Variants in TEKT4 observed in about 807,000 individuals in gnomAD.
TEKT4 encodes the protein tektin 4, also known as tektin-4.
Under a neutral mutation model 46.0 loss-of-function variants are expected in TEKT4, and 46 were observed. The observed-to-expected ratio is 1.00, with a 90% confidence interval of 0.79 to 1.28. The LOEUF (loss-of-function observed/expected upper bound fraction) is 1.28. TEKT4 is among the 50% of genes most tolerant of loss of function. The probability of loss-of-function intolerance (pLI) is 0.00; values close to 1 mark genes in which losing one functional copy is unlikely to be tolerated. For synonymous variants in TEKT4, 325 were observed against 265.8 expected (o/e 1.22, Z -2.17); for missense variants, 790 against 622.9 (o/e 1.27, Z -2.85).
At chr2:94,872,927 A>T in intron 1 of TEKT4, 1 of 1,289,444 alleles carries the variant, frequency 7.8e-7, no homozygotes, top group Non-Finnish European at 1.0e-6. Context: ...CAGTGCACGG[A>T]GAGGCAAACC....
chr2:94,872,146 T>C lies in TEKT4; in HGVS notation c.498+69T>C, dbSNP rs1334591372. On this transcript the variant is annotated intron_variant, in intron 1 of 5. Transcript: ENST00000295201. ...GAGGAGCCCCCCCCCCCGCAGTTCA[T>C]GTGGACAAGCCACGTGGCTGCTGCA... 8 of 1,461,788 alleles carry C rather than the reference T, an allele frequency of 5.5e-6. No individual in the cohort carries two copies. In the African/African-American group the frequency reaches 7.3e-5, roughly 13 times the overall value. 90.6% of individuals were successfully genotyped at this position (1,461,788 alleles called of 1,614,324 possible). A position where few individuals can be genotyped will look rare whatever the true frequency, so the allele number is the denominator to read the frequency against.
In TEKT4 at chr2:94,874,924, G is replaced by A. The variant is rs782809778; in HGVS notation, c.862G>A (p.Val288Met). 4.2e-5 allele frequency: 67 copies of A among 1,611,934 alleles called. 1 individual carries two copies. Among genetic ancestry groups the A allele is most frequent in the Admixed American group, 1.5e-4 (9 of 59,912 alleles). The change falls in exon 4 of 6, where the codon GTG (valine) becomes ATG (methionine). Residue 288 changes from valine to methionine, a missense_variant. Val to Met is a conservative substitution (Grantham distance 21, BLOSUM62 1). Transcript: ENST00000295201. ...SEDLRLQCDA[V>M]NLAFGRRCEE... ...GGACCTGCGGCTCCAGTGCGACGCC[G>A]TGAACCTGGCCTTCGGGCGCCGCTG...
In TEKT4 at chr2:94,873,596, T is replaced by C; in HGVS notation, c.569+6T>C. 3 of 1,613,354 alleles carry C rather than the reference T, an allele frequency of 1.9e-6. No individual in the cohort carries two copies. The highest frequency in any genetic ancestry group is 2.5e-6 in the Non-Finnish European group (3 of 1,179,930). On this transcript the variant is annotated splice_donor_region_variant and intron_variant, in intron 2 of 5. Transcript: ENST00000295201. ...CAAGCAGTGAGCCAGATCCGGTGGG[T>C]AGAGGGCTGCCCAAGGGATGATTCC...
chr2:94,871,441 T>C lies in TEKT4; in HGVS notation c.-139T>C. The C allele has an allele frequency of 1.8e-6, 2 of 1,098,682 alleles. No individual in the cohort carries two copies. Among genetic ancestry groups the C allele is most frequent in the Non-Finnish European group, 2.5e-6 (2 of 792,386 alleles). 68.1% of individuals were successfully genotyped at this position (1,098,682 alleles called of 1,614,324 possible). ...AACAGGAAGCTCTTGGTTTACACAG[T>C]GTCACCCAAGCGACTGGGAGCCGCG... On this transcript the variant is annotated 5_prime_UTR_variant, in exon 1 of 6. Transcript: ENST00000295201.
chr2:94,872,299 C>A, intron 1 of TEKT4: 1 of 617,226 alleles, frequency 1.6e-6, no homozygotes. Flanking sequence ...CTCTCCTCCT[C>A]TAATCCCTTT....
intron 1 of TEKT4, chr2:94,872,915 G>A (rs553893703): frequency 2.3e-6 from 3 of 1,289,412 alleles, no homozygotes; most frequent in African/African-American, 1.5e-5. Context: ...TGGAGACACT[G>A]ACAGTGCACG....
In TEKT4 at chr2:94,872,036, C is replaced by A. The variant is rs1553394772; in HGVS notation, c.457C>A (p.Pro153Thr). ...GCAGTGCCGTGAGCGCCGCGAGCAC[C>A]CCAACCTCGTGCGCGACCATGTGGA... ...NLQCRERREH[P>T]NLVRDHVETE... Residue 153 changes from proline (P) to threonine (T), a missense_variant, in exon 1 of 6, where the codon CCC (proline) becomes ACC (threonine). Coordinates refer to ENST00000295201, the MANE Select transcript of TEKT4 (RefSeq NM_144705.4). The A allele has an allele frequency of 6.4e-7, 1 of 1,562,754 alleles. No individual in the cohort carries two copies. Among genetic ancestry groups the A allele is most frequent in the Non-Finnish European group, 8.7e-7 (1 of 1,154,492 alleles).
chr2:94,871,811 G>A lies in TEKT4; in HGVS notation c.232G>A (p.Ala78Thr). ...ESQQLATETQ[A>T]LAQRTQQDST... ...CCAGCAGCTGGCCACAGAGACCCAG[G>A]CGCTGGCGCAGCGCACGCAGCAAGA... The change falls in exon 1 of 6, where the codon GCG becomes ACG. Residue 78 changes from alanine to threonine, a missense_variant. Coordinates refer to ENST00000295201, the MANE Select transcript of TEKT4 (RefSeq NM_144705.4). 1 of 1,609,710 alleles carries A rather than the reference G, an allele frequency of 6.2e-7. No individual in the cohort carries two copies. The highest frequency in any genetic ancestry group is 8.5e-7 in the Non-Finnish European group (1 of 1,178,206).
chr2:94,874,865 T>A lies in TEKT4; in HGVS notation c.803T>A (p.Val268Glu). 6.2e-7 allele frequency: 1 copy of A among 1,609,074 alleles called. No individual in the cohort carries two copies. The highest frequency in any genetic ancestry group is 8.5e-7 in the Non-Finnish European group (1 of 1,178,448). Reference protein sequence around the residue: ...RERLASANLRVLVDCILRDTS... With the variant: ...RERLASANLRELVDCILRDTS... Reference sequence around the variant, plus strand: ...CGCCTGGCCTCGGCCAACCTGCGGGTGCTGGTGGACTGCATCCTTCGCGAC... The same window carrying A: ...CGCCTGGCCTCGGCCAACCTGCGGGAGCTGGTGGACTGCATCCTTCGCGAC... Residue 268 changes from valine (V) to glutamate (E), a missense_variant, in exon 4 of 6, where the codon GTG becomes GAG. Coordinates refer to ENST00000295201, the MANE Select transcript of TEKT4 (RefSeq NM_144705.4).
In TEKT4 at chr2:94,871,643, G is replaced by A. The variant is rs1680564440; in HGVS notation, c.64G>A (p.Gly22Ser). 1 of 1,612,368 alleles carries A rather than the reference G, an allele frequency of 6.2e-7. No homozygotes were observed. The change falls in exon 1 of 6, where the codon GGC (glycine) becomes AGC (serine). Residue 22 changes from glycine (G) to serine (S), a missense_variant. Physicochemically the swap from Gly to Ser is moderately conservative, Grantham distance 56. Transcript: ENST00000295201. ...CKEYDVARNT[G>S]AYTSSGLATA... ...AGAGTACGACGTGGCCCGTAACACG[G>A]GCGCCTACACGTCCTCCGGCCTGGC...
chr2:94,873,508 C>T lies in TEKT4; in HGVS notation c.499-12C>T, dbSNP rs373314580. ...GGACTGGCTCTGGTGCTCAGGGCGTCTCCTCCCTCAGGAAGCCGAGCTCAT... is the reference window on the plus strand; with the variant it reads ...GGACTGGCTCTGGTGCTCAGGGCGTTTCCTCCCTCAGGAAGCCGAGCTCAT... On this transcript the variant is annotated splice_polypyrimidine_tract_variant and intron_variant, in intron 1 of 5. Transcript: ENST00000295201. 48 of 1,611,982 alleles carry T rather than the reference C, an allele frequency of 3.0e-5. No homozygotes were observed. Among genetic ancestry groups the T allele is most frequent in the African/African-American group, 5.3e-5 (4 of 74,834 alleles).
intron 3 of TEKT4, 95 bp from the exon 4 acceptor site, chr2:94,874,680 GA>G: frequency 8.7e-7 from 1 of 1,146,118 alleles, no homozygotes; most frequent in Non-Finnish European, 1.2e-6. Flanking sequence ...CGTCCTCCAG[GA>G]GCATGGGGCG....
At chr2:94,872,790 C>T (rs1553395036) in intron 1 of TEKT4, 2 of 1,286,714 alleles carry the variant, frequency 1.6e-6, no homozygotes, top group Non-Finnish European at 2.0e-6. Context: ...TCATGCCTTC[C>T]CTCCTCCCTT....
In TEKT4 at chr2:94,875,593, G is replaced by A. The variant is rs782040551; in HGVS notation, c.942G>A (p.Leu314=). The A allele has an allele frequency of 1.2e-6, 2 of 1,614,166 alleles. No homozygotes were observed. Among genetic ancestry groups the A allele is most frequent in the Admixed American group, 3.3e-5 (2 of 60,024 alleles). ...GAGAACTGTCCTGTCTGCAGACACT[G>A]CGGGAAATCACAGATCAGGAACACA... ...YKLHHHLHKT[L]REITDQEHNV... is the part of the protein sequence containing the mutation. Residue 314 remains leucine, a synonymous_variant, in exon 5 of 6, where the codon CTG becomes CTA. Coordinates refer to ENST00000295201, the MANE Select transcript of TEKT4 (RefSeq NM_144705.4).
chr2:94,872,905 T>TG, intron 1 of TEKT4: 1 of 1,289,302 alleles, frequency 7.8e-7, no homozygotes, highest in Non-Finnish European at 1.0e-6. Context: ...TGCCAACTGA[T>TG]GGAGACACTG....
chr2:94,875,757 T>C lies in TEKT4; in HGVS notation c.1091+15T>C. 6.2e-7 allele frequency: 1 copy of C among 1,611,166 alleles called. No individual in the cohort carries two copies. Among genetic ancestry groups the C allele is most frequent in the Non-Finnish European group, 8.5e-7 (1 of 1,178,162 alleles). ...GCCCAGTTCAGGTGCTGCCTGGGCCTCTGAGGCAGTCCCAGGTGGCCCTGT... is the reference window on the plus strand; with the variant it reads ...GCCCAGTTCAGGTGCTGCCTGGGCCCCTGAGGCAGTCCCAGGTGGCCCTGT... On this transcript the variant is annotated intron_variant, in intron 5 of 5. Transcript: ENST00000295201.
rs542487913 is a variant in TEKT4, at chr2:94,873,952, C to G, written c.570-13C>G. The G allele has an allele frequency of 6.2e-7, 1 of 1,613,568 alleles. No homozygotes were observed. The highest frequency in any genetic ancestry group is 8.5e-7 in the Non-Finnish European group (1 of 1,179,892). On this transcript the variant is annotated splice_polypyrimidine_tract_variant and intron_variant, in intron 2 of 5. Coordinates refer to ENST00000295201, the MANE Select transcript of TEKT4 (RefSeq NM_144705.4). ...CTGGGCACACATCAAGGCCCTGCCCCACCCCGCCCCAGACTGAACCGGGAG... is the reference window on the plus strand; with the variant it reads ...CTGGGCACACATCAAGGCCCTGCCCGACCCCGCCCCAGACTGAACCGGGAG...
At chr2:94,874,607 G>A (rs531107957) in intron 3 of TEKT4, among the ~76,000 whole-genome samples, 169 bp from the exon 4 acceptor site, 15 of 152,120 alleles carry the variant, frequency 9.9e-5, no homozygotes, top group African/African-American at 3.6e-4. Flanking sequence ...GGGGCACTCG[G>A]GGGCAGGGAG....
At chr2:94,873,728 G>A (rs1320345282) in intron 2 of TEKT4, 138 bp downstream of exon 2, 12 of 1,308,208 alleles carry the variant, frequency 9.2e-6, no homozygotes, top group African/African-American at 1.5e-5. Flanking sequence ...AGGACTGGGT[G>A]GGGGAGGTTC....
Sources: gnomAD v4.1 joint callset for allele counts (sites outside exome capture counted in the v4.1 genomes callset) on GRCh38, gnomAD v4.1.1 for gene constraint, MANE v1.5 for transcripts, NCBI Gene and HGNC (gene_info 2026-07-23, HGNC 2026-07-21) for gene names.